Variants in MRPL42 observed in about 807,000 individuals in gnomAD.
MRPL42 encodes the protein mitochondrial ribosomal protein L42.
In MRPL42, 17 loss-of-function variants were observed where a neutral mutation model predicts 17.9. That is an observed-to-expected ratio of 0.95 (90% confidence interval 0.65 to 1.42). MRPL42 has a LOEUF of 1.42. Among genes scored for constraint, MRPL42 ranks in the 40% most tolerant of loss-of-function variants. The pLI is 0.00. For synonymous variants in MRPL42, 59 were observed against 54.4 expected, an observed-to-expected ratio of 1.08 and a Z score of -0.37; for missense variants, 177 against 175.2, an observed-to-expected ratio of 1.01 and a Z score of -0.06.
rs747885138 is a variant in MRPL42 at position 93,467,909 on chromosome 12, T to C, written c.-95+355T>C. Among the ~76,000 whole-genome samples, 32 of 152,074 alleles carry C rather than the reference T, an allele frequency of 2.1e-4. No homozygotes were observed. The South Asian group carries it at 2.9e-3, about 14-fold the overall frequency. ...TTGAATTCCGGGCTGAGGGACTTGATCTCTGAAATGATCTTCCTGGGGTGA... is the reference window on the plus strand; with the variant it reads ...TTGAATTCCGGGCTGAGGGACTTGACCTCTGAAATGATCTTCCTGGGGTGA... On this transcript the variant is annotated intron_variant, in intron 1 of 5. Coordinates refer to ENST00000549982, the MANE Select transcript of MRPL42 (RefSeq NM_014050.4).
intron 4 of MRPL42, among the ~76,000 whole-genome samples, chr12:93,481,717 T>C (rs1362011497): frequency 1.3e-5 from 2 of 152,166 alleles, no homozygotes; most frequent in African/African-American, 4.8e-5. Context: ...CTAGAGATAT[T>C]CTAATTACCA....
Position 93,476,954 on chromosome 12 carries a change from A to T in MRPL42, c.71A>T (p.Asn24Ile), listed in dbSNP as rs1485805213. 1 of 1,607,346 alleles carries T rather than the reference A, an allele frequency of 6.2e-7. No homozygotes were observed. Among genetic ancestry groups the T allele is most frequent in the Admixed American group, 1.7e-5 (1 of 59,352 alleles). ...GTTTTACTGTTTGGGGTTTTTGCAG[A>T]TGGAGCTTTATATTGTGTTTGTCAT... ...TILKHLFPVQ[N>I]GALYCVCHKS... Residue 24 changes from asparagine to isoleucine, a missense_variant and splice_region_variant, in exon 3 of 6, where the codon AAT (asparagine) becomes ATT (isoleucine). Transcript: ENST00000549982.
chr12:93,467,594 C>T (rs1879687365), intron 1 of MRPL42, 40 bp downstream of exon 1: 1 of 152,682 alleles, frequency 6.5e-6, no homozygotes, highest in African/African-American at 2.4e-5. Flanking sequence ...AGGACTTCCT[C>T]GAAACTGGGC....
chr12:93,484,979 CATATATATATATATATATAT>C lies in MRPL42; in HGVS notation c.220-2488_220-2469del, dbSNP rs4020795. On this transcript the variant is annotated intron_variant, in intron 4 of 5. Coordinates refer to ENST00000549982, the MANE Select transcript of MRPL42 (RefSeq NM_014050.4). ...TTTAAAAAACACACACACACACACA[CATATATATATATATATATAT>C]ATATATATATATATATATATATATA... 7.2e-3 allele frequency among the ~76,000 whole-genome samples: 162 copies of C among 22,470 alleles called. 20 individuals are homozygous for C. Among genetic ancestry groups the C allele is most frequent in the Non-Finnish European group, 0.012 (115 of 9,396 alleles). The allele number at this position is 22,470 out of a possible 152,430, so 14.7% of individuals were successfully genotyped here.
rs1411067989 is a variant in MRPL42 at position 93,511,069 on chromosome 12, A to G, written c.*9848A>G. 2 of 152,220 alleles carry G rather than the reference A, an allele frequency of 1.3e-5. No homozygotes were observed. The highest frequency in any genetic ancestry group is 2.9e-5 in the Non-Finnish European group (2 of 68,038). The allele number at this position is 152,220 out of a possible 1,614,324, so 9.4% of individuals were successfully genotyped here. A position where few individuals can be genotyped will look rare whatever the true frequency, so the allele number is the denominator to read the frequency against. On this transcript the variant is annotated 3_prime_UTR_variant, in exon 6 of 6. Transcript: ENST00000549982. ...TAGTAAACCTAATGGTGACAATAAA[A>G]GCGATTCTGAATAAATGAAAACCAA...
chr12:93,497,744 GAAAA>G (rs34441413), intron 5 of MRPL42, among the ~76,000 whole-genome samples: 1 of 142,188 alleles, frequency 7.0e-6, no homozygotes, highest in Admixed American at 7.1e-5. Context: ...AATCAGGCAA[GAAAA>G]AAAAAAAAGG....
chr12:93,509,516 C>T lies in MRPL42; in HGVS notation c.*8295C>T, dbSNP rs1279370886. 6.6e-6 allele frequency: 1 copy of T among 151,854 alleles called. No homozygotes were observed. The highest frequency in any genetic ancestry group is 1.5e-5 in the Non-Finnish European group (1 of 67,980). 9.4% of individuals were successfully genotyped at this position (151,854 alleles called of 1,614,324 possible). A position where few individuals can be genotyped will look rare whatever the true frequency, so the allele number is the denominator to read the frequency against. On this transcript the variant is annotated 3_prime_UTR_variant, in exon 6 of 6. Coordinates refer to ENST00000549982, the MANE Select transcript of MRPL42 (RefSeq NM_014050.4). ...GGCACAGTGGCACATGCCTGTAGAC[C>T]TAGCTACTCAGGAGGCTAAGACAGG...
At chr12:93,497,192 A>C (rs1024582908) in intron 5 of MRPL42, among the ~76,000 whole-genome samples, 1 of 152,156 alleles carries the variant, frequency 6.6e-6, no homozygotes, top group Non-Finnish European at 1.5e-5. Flanking sequence ...ACAACAACAA[A>C]AAATCGAGGA....
At chr12:93,480,680 T>C (rs573918038) in intron 4 of MRPL42, among the ~76,000 whole-genome samples, 13 of 152,000 alleles carry the variant, frequency 8.6e-5, no homozygotes, top group African/African-American at 3.1e-4. Context: ...TAGCTGGGAC[T>C]ACAGGCGTGC....
chr12:93,474,862 G>A (rs549662841), intron 2 of MRPL42, among the ~76,000 whole-genome samples: 51 of 35,806 alleles, frequency 1.4e-3, no homozygotes, highest in Non-Finnish European at 2.5e-3. Context: ...AGGCCAAGGC[G>A]GGCTGGGCTG....
At position 93,503,599 on chromosome 12, in the gene MRPL42, G is replaced by C. The variant is rs1001059853; in HGVS notation, c.*2378G>C. On this transcript the variant is annotated 3_prime_UTR_variant, in exon 6 of 6. Transcript: ENST00000549982. ...GGGTTTCGCCATGTTGCCCAGGCTG[G>C]TCTTGAACTCCTGGGCTCAAAGCGA... 32 of 151,788 alleles carry C rather than the reference G, an allele frequency of 2.1e-4. No homozygotes were observed. The highest frequency in any genetic ancestry group is 7.5e-4 in the African/African-American group (31 of 41,414). The allele number at this position is 151,788 out of a possible 1,614,324, so 9.4% of individuals were successfully genotyped here.
In MRPL42 at chr12:93,511,530, C is replaced by A. The variant is rs1054403465; in HGVS notation, c.*10309C>A. 1.3e-5 allele frequency: 2 copies of A among 152,078 alleles called. No homozygotes were observed. Among genetic ancestry groups the A allele is most frequent in the Admixed American group, 1.3e-4 (2 of 15,264 alleles). The allele number at this position is 152,078 out of a possible 1,614,324, so 9.4% of individuals were successfully genotyped here. On this transcript the variant is annotated 3_prime_UTR_variant, in exon 6 of 6. Coordinates refer to ENST00000549982, the MANE Select transcript of MRPL42 (RefSeq NM_014050.4). ...AAGAAAGTACTTCAATTACCAGTTA[C>A]CAACACACAACAATTTGAAATATCC...
At chr12:93,481,053 A>G (rs1880435858) in intron 4 of MRPL42, among the ~76,000 whole-genome samples, 1 of 152,156 alleles carries the variant, frequency 6.6e-6, no homozygotes, top group Non-Finnish European at 1.5e-5. Flanking sequence ...TTTGTTAAAT[A>G]TCTTCGGTTT....
intron 3 of MRPL42, among the ~76,000 whole-genome samples, 174 bp from the exon 4 acceptor site, chr12:93,479,214 C>T (rs746663760): frequency 6.6e-6 from 1 of 150,418 alleles, no homozygotes; most frequent in Non-Finnish European, 1.5e-5. Flanking sequence ...TGAGCCACCA[C>T]GCTGGGCCCA....
At chr12:93,496,683 T>C (rs1278591044) in intron 5 of MRPL42, among the ~76,000 whole-genome samples, 2 of 142,384 alleles carry the variant, frequency 1.4e-5, no homozygotes, top group Non-Finnish European at 3.0e-5. Context: ...TCCAACTATA[T>C]GCTGCCTATA....
chr12:93,489,708 G>A (rs1953379251), intron 5 of MRPL42, among the ~76,000 whole-genome samples: 1 of 152,076 alleles, frequency 6.6e-6, no homozygotes, highest in South Asian at 2.1e-4. Context: ...CTAATTTTTT[G>A]TATTTTTAGT....
intron 5 of MRPL42, chr12:93,488,531 A>G (rs1446998288): frequency 2.8e-6 from 1 of 358,018 alleles, no homozygotes; most frequent in East Asian, 4.1e-5. Context: ...TGATGTATTC[A>G]TTTAATATGT....
chr12:93,477,207 T>TTGTCATTG (rs562670215), intron 3 of MRPL42, among the ~76,000 whole-genome samples, 190 bp downstream of exon 3: 79 of 152,362 alleles, frequency 5.2e-4, no homozygotes, highest in Non-Finnish European at 9.0e-4. Context: ...ATAAAAATCA[T>TTGTCATTG]TGTCATTGTG....
intron 2 of MRPL42, among the ~76,000 whole-genome samples, chr12:93,471,309 A>G (rs1175058421): frequency 1.3e-5 from 2 of 151,966 alleles, no homozygotes; most frequent in Non-Finnish European, 2.9e-5. Flanking sequence ...GATTATAGGC[A>G]CCTACCACCA....
Sources: allele counts gnomAD v4.1 joint callset (sites outside exome capture counted in the v4.1 genomes callset), GRCh38; gene constraint gnomAD v4.1.1; transcripts MANE v1.5; gene names NCBI Gene and HGNC (gene_info 2026-07-23, HGNC 2026-07-21).